Variants in WDR59 observed in about 807,000 individuals in gnomAD.
WDR59 encodes the protein GATOR2 complex protein WDR59.
WDR59 carries 100 observed loss-of-function variants against 131.2 expected under a neutral mutation model. That is an observed-to-expected ratio of 0.76 (90% CI 0.65 to 0.90). WDR59 has a LOEUF of 0.90. WDR59 is among the 40% of genes least tolerant of loss of function. WDR59 has a pLI of 0.00. For missense variants in WDR59, 1,203 were observed against 1,262.2 expected, an observed-to-expected ratio of 0.95 and a Z score of 0.71; for synonymous variants, 601 against 466.2, an observed-to-expected ratio of 1.29 and a Z score of -3.72.
intron 8 of WDR59, among the ~76,000 whole-genome samples, chr16:74,927,231 T>C (rs1166516351): frequency 6.6e-6 from 1 of 152,244 alleles, no homozygotes; most frequent in African/African-American, 2.4e-5. Context: ...ATGGCATCTC[T>C]GTTTTGATTC....
intron 7 of WDR59, 36 bp downstream of exon 7, chr16:74,942,702 C>A (rs1567416533): frequency 1.2e-6 from 2 of 1,606,762 alleles, no homozygotes; most frequent in Non-Finnish European, 1.7e-6. Flanking sequence ...TGGGAGGGAT[C>A]AAAGACCAAT....
At chr16:74,894,978 A>G (rs1320043069) in intron 18 of WDR59, among the ~76,000 whole-genome samples, 1 of 152,242 alleles carries the variant, frequency 6.6e-6, no homozygotes, top group Admixed American at 6.5e-5. Context: ...ACCATTATTT[A>G]GATTACTCAC....
chr16:74,908,883 C>A, intron 17 of WDR59, 25 bp downstream of exon 17: 1 of 1,609,414 alleles, frequency 6.2e-7, no homozygotes, highest in Non-Finnish European at 8.5e-7. Flanking sequence ...GAACGTAGAG[C>A]GGCTTCTGCA....
At chr16:74,945,113 G>C (rs951528752) in intron 6 of WDR59, among the ~76,000 whole-genome samples, 4 of 151,894 alleles carry the variant, frequency 2.6e-5, no homozygotes, top group African/African-American at 9.7e-5. Context: ...GACAGAGCAA[G>C]ACTCCATCTC....
At chr16:74,982,804 G>A (rs7199153) in intron 1 of WDR59, among the ~76,000 whole-genome samples, 2,035 of 152,264 alleles carry the variant, frequency 0.013, 48 homozygotes, top group African/African-American at 0.046. Flanking sequence ...CTACTGATCA[G>A]AGGGCACCAC....
intron 18 of WDR59, chr16:74,899,636 A>G (rs919343351): frequency 2.7e-5 from 34 of 1,250,190 alleles, no homozygotes; most frequent in Non-Finnish European, 3.4e-5. Context: ...GTGGCATTTT[A>G]TTCTTGGGCC....
At chr16:74,905,331 C>T (rs879778059) in intron 17 of WDR59, among the ~76,000 whole-genome samples, 2 of 151,272 alleles carry the variant, frequency 1.3e-5, no homozygotes, top group African/African-American at 2.4e-5. Context: ...GCTGAGATTG[C>T]GCCATTGCAC....
intron 2 of WDR59, among the ~76,000 whole-genome samples, chr16:74,957,516 T>G (rs1228113709): frequency 1.3e-5 from 2 of 152,156 alleles, no homozygotes; most frequent in Non-Finnish European, 2.9e-5. Context: ...TTCCCCTTAC[T>G]ACTTCCTGGT....
At chr16:74,938,846 T>C (rs1236708958) in intron 7 of WDR59, among the ~76,000 whole-genome samples, 1 of 151,516 alleles carries the variant, frequency 6.6e-6, no homozygotes, top group Non-Finnish European at 1.5e-5. Context: ...CCTCACACTT[T>C]AACAGTGCAG....
chr16:74,923,462 G>C (rs2030459122), intron 9 of WDR59, among the ~76,000 whole-genome samples: 1 of 152,036 alleles, frequency 6.6e-6, no homozygotes. Context: ...CAACACTCCA[G>C]GAATAAATTT....
intron 1 of WDR59, among the ~76,000 whole-genome samples, chr16:74,971,558 G>A (rs1330111208): frequency 6.7e-6 from 1 of 149,930 alleles, no homozygotes; most frequent in Admixed American, 6.8e-5. Flanking sequence ...TCAGCCTCCT[G>A]AGTAGCTGGG....
intron 8 of WDR59, 72 bp downstream of exon 8, chr16:74,938,078 C>G: frequency 1.8e-6 from 2 of 1,096,750 alleles, no homozygotes; most frequent in East Asian, 5.5e-5. Flanking sequence ...AGCTTTCCAA[C>G]CAAGGTGGAA....
chr16:74,972,367 G>A (rs981951683), intron 1 of WDR59, among the ~76,000 whole-genome samples: 2 of 152,108 alleles, frequency 1.3e-5, no homozygotes, highest in African/African-American at 4.8e-5. Context: ...TTCTTGGTGA[G>A]TCAACTTCCA....
At chr16:74,922,362 G>A (rs1467114055) in intron 9 of WDR59, among the ~76,000 whole-genome samples, 1 of 152,142 alleles carries the variant, frequency 6.6e-6, no homozygotes, top group African/African-American at 2.4e-5. Flanking sequence ...TCTAAAATAA[G>A]CAAATGGTAC....
intron 7 of WDR59, among the ~76,000 whole-genome samples, chr16:74,938,873 C>T (rs1228111926): frequency 1.3e-5 from 2 of 151,632 alleles, no homozygotes; most frequent in East Asian, 2.0e-4. Flanking sequence ...AATTCCCACT[C>T]GTCTCCCCCA....
chr16:74,952,445 C>CAAA (rs61448932), intron 3 of WDR59, among the ~76,000 whole-genome samples: 158 of 62,708 alleles, frequency 2.5e-3, no homozygotes, highest in African/African-American at 4.0e-3. Flanking sequence ...CCATCTCAAA[C>CAAA]AAAAAAAAAA....
rs137952289 is a variant in WDR59, at chr16:74,927,501, T to C, written c.652-3498A>G. On this transcript the variant is annotated intron_variant, in intron 8 of 25. Coordinates refer to ENST00000262144, the MANE Select transcript of WDR59 (RefSeq NM_030581.4). ...TACTTGCGAGGCTGAGGCAGGAGAATTGCTTGAACCCCGGAGGTGGAGGTT... is the reference window on the plus strand; with the variant it reads ...TACTTGCGAGGCTGAGGCAGGAGAACTGCTTGAACCCCGGAGGTGGAGGTT... 3.0e-4 allele frequency among the ~76,000 whole-genome samples: 45 copies of C among 150,546 alleles called. No homozygotes were observed. The East Asian group carries it at 5.9e-3, about 20-fold the overall frequency.
intron 25 of WDR59, among the ~76,000 whole-genome samples, chr16:74,882,338 G>A (rs557730437): frequency 1.3e-5 from 2 of 152,270 alleles, no homozygotes; most frequent in South Asian, 4.1e-4. Context: ...ATAGCATTTT[G>A]TGCCTTTACA....
intron 8 of WDR59, among the ~76,000 whole-genome samples, chr16:74,928,391 T>C (rs1048447047): frequency 6.6e-6 from 1 of 151,594 alleles, no homozygotes; most frequent in African/African-American, 2.4e-5. Flanking sequence ...TAATTTTTTT[T>C]ATTTTTCTAT....
Sources: allele counts gnomAD v4.1 joint callset (sites outside exome capture counted in the v4.1 genomes callset), GRCh38; gene constraint gnomAD v4.1.1; transcripts MANE v1.5; gene names NCBI Gene and HGNC (gene_info 2026-07-23, HGNC 2026-07-21).